The following GPC6 variants were observed in gnomAD, a reference collection of about 807,000 sequenced individuals.
GPC6 encodes the protein glypican-6.
A neutral mutation model predicts 55.2 loss-of-function variants in GPC6; 14 were observed. The observed-to-expected ratio is 0.25, with a 90% CI of 0.17 to 0.40. The LOEUF is 0.40. GPC6 is among the 10% of genes least tolerant of loss of function. The pLI is 1.00. For synonymous variants in GPC6, 278 were observed against 259.6 expected, an observed-to-expected ratio of 1.07 and a Z score of -0.68; for missense variants, 641 against 708.5, an observed-to-expected ratio of 0.90 and a Z score of 1.08.
At chr13:93,897,382 G>A (rs1876076536) in intron 3 of GPC6, among the ~76,000 whole-genome samples, 1 of 151,844 alleles carries the variant, frequency 6.6e-6, no homozygotes, top group African/African-American at 2.4e-5. Flanking sequence ...CTAAGGTGTT[G>A]GAGAGTCCAG....
rs1175225912 is a variant in GPC6 at position 94,242,173 on chromosome 13, G to GT, written c.878-44170dup. Among the ~76,000 whole-genome samples the GT allele has an allele frequency of 3.9e-5, 6 of 152,050 alleles. No individual in the cohort carries two copies. In the South Asian group the frequency reaches 8.3e-4, roughly 21 times the overall value. On this transcript the variant is annotated intron_variant, in intron 4 of 8. Coordinates refer to ENST00000377047, the MANE Select transcript of GPC6 (RefSeq NM_005708.5). ...TATGAGTGAGAACATGCGGTGTTTG[G>GT]TTTTTTGTCCTTGCGATAGTTTACT...
chr13:94,076,091 G>T (rs543965865), intron 4 of GPC6, among the ~76,000 whole-genome samples: 2 of 150,968 alleles, frequency 1.3e-5, no homozygotes, highest in Non-Finnish European at 1.5e-5. Flanking sequence ...GAGTGCAGGG[G>T]TTCCAGTTTC....
intron 6 of GPC6, among the ~76,000 whole-genome samples, chr13:94,322,663 A>T (rs1221861893): frequency 6.6e-6 from 1 of 152,184 alleles, no homozygotes; most frequent in African/African-American, 2.4e-5. Flanking sequence ...AAAATAAGAA[A>T]ACAAAAATAA....
chr13:93,683,998 T>G (rs1390336586), intron 2 of GPC6, among the ~76,000 whole-genome samples: 1 of 152,058 alleles, frequency 6.6e-6, no homozygotes, highest in Non-Finnish European at 1.5e-5. Context: ...TCATGACCCT[T>G]TTAAGGGCAC....
chr13:93,626,647 C>T (rs1031911099), intron 2 of GPC6, among the ~76,000 whole-genome samples: 13 of 151,900 alleles, frequency 8.6e-5, no homozygotes, highest in Non-Finnish European at 5.9e-5. Context: ...ACTAAAAATA[C>T]AAAAATTAGC....
At chr13:93,630,791 G>T (rs3899316) in intron 2 of GPC6, among the ~76,000 whole-genome samples, 124,461 of 152,008 alleles carry the variant, frequency 0.82, 52,115 homozygotes, top group Non-Finnish European at 0.9. Flanking sequence ...TAGCATAAAT[G>T]CCTTCTGAGT....
chr13:94,224,698 T>C (rs1475863610), intron 4 of GPC6, among the ~76,000 whole-genome samples: 1 of 152,126 alleles, frequency 6.6e-6, no homozygotes, highest in Non-Finnish European at 1.5e-5. Context: ...GAGCATTTTT[T>C]CTGCTAAAGC....
chr13:94,327,727 T>C (rs1032104861), intron 6 of GPC6, among the ~76,000 whole-genome samples: 3 of 152,228 alleles, frequency 2.0e-5, no homozygotes, highest in Non-Finnish European at 2.9e-5. Flanking sequence ...TTTTCGTCTT[T>C]GTTTTTTCAC....
chr13:93,961,655 C>G (rs760267774), intron 3 of GPC6, among the ~76,000 whole-genome samples: 5 of 152,136 alleles, frequency 3.3e-5, no homozygotes, highest in Non-Finnish European at 7.3e-5. Flanking sequence ...ATGTCCCAGA[C>G]ATTGTTTGTC....
intron 3 of GPC6, among the ~76,000 whole-genome samples, chr13:93,996,902 T>C (rs1328842783): frequency 6.6e-6 from 1 of 152,190 alleles, no homozygotes; most frequent in Non-Finnish European, 1.5e-5. Context: ...AATAACCTGG[T>C]TTCTGATCTT....
At chr13:93,768,504 G>A (rs895080071) in intron 2 of GPC6, among the ~76,000 whole-genome samples, 1 of 151,984 alleles carries the variant, frequency 6.6e-6, no homozygotes, top group Non-Finnish European at 1.5e-5. Flanking sequence ...GACACATACC[G>A]GCCACTCGGT....
chr13:93,320,557 TTATA>T (rs1296028060), intron 1 of GPC6, among the ~76,000 whole-genome samples: 1 of 151,842 alleles, frequency 6.6e-6, no homozygotes, highest in African/African-American at 2.4e-5. Flanking sequence ...GTGGTATTGT[TTATA>T]TAAGAATATT....
At chr13:94,226,532 T>A (rs1281087358) in intron 4 of GPC6, among the ~76,000 whole-genome samples, 1 of 152,220 alleles carries the variant, frequency 6.6e-6, no homozygotes, top group Non-Finnish European at 1.5e-5. Flanking sequence ...AACATTACAC[T>A]GTACCCCATA....
intron 4 of GPC6, among the ~76,000 whole-genome samples, chr13:94,155,734 C>T (rs1887908987): frequency 6.6e-6 from 1 of 152,164 alleles, no homozygotes. Context: ...TCTTCAGTGA[C>T]TGCTATTTCC....
intron 1 of GPC6, among the ~76,000 whole-genome samples, chr13:93,488,118 C>G (rs112649500): frequency 3.9e-5 from 6 of 152,132 alleles, no homozygotes; most frequent in Admixed American, 1.3e-4. Context: ...ATCCCTCCCC[C>G]CTCCTTTCAC....
chr13:94,217,683 G>A (rs1890263993), intron 4 of GPC6, among the ~76,000 whole-genome samples: 1 of 152,156 alleles, frequency 6.6e-6, no homozygotes, highest in African/African-American at 2.4e-5. Context: ...ACAGAACAAA[G>A]CATGTCTACT....
intron 1 of GPC6, among the ~76,000 whole-genome samples, chr13:93,406,189 A>G (rs1317534262): frequency 6.6e-6 from 1 of 152,218 alleles, no homozygotes; most frequent in Non-Finnish European, 1.5e-5. Flanking sequence ...TGCTTAATGT[A>G]TCACACACAA....
intron 1 of GPC6, among the ~76,000 whole-genome samples, chr13:93,535,769 G>T (rs919857209): frequency 2.0e-5 from 3 of 151,464 alleles, no homozygotes; most frequent in East Asian, 1.9e-4. Context: ...AGGAATATCG[G>T]CAGGCTCAGA....
At chr13:93,229,212 C>CT (rs1875925243) in intron 1 of GPC6, among the ~76,000 whole-genome samples, 1 of 151,928 alleles carries the variant, frequency 6.6e-6, no homozygotes, top group Admixed American at 6.6e-5. Flanking sequence ...TTATTTCATT[C>CT]TTTTTAATTA....
Sources: gnomAD v4.1 joint callset for allele counts (sites outside exome capture counted in the v4.1 genomes callset) on GRCh38, gnomAD v4.1.1 for gene constraint, MANE v1.5 for transcripts, NCBI Gene and HGNC (gene_info 2026-07-23, HGNC 2026-07-21) for gene names.